IGSF3: variants seen among roughly 807,000 people sequenced by gnomAD.
The protein encoded by IGSF3 is immunoglobulin superfamily member 3.
Under a neutral mutation model 114.4 loss-of-function variants are expected in IGSF3, and 23 were observed. The ratio of observed to expected loss-of-function variants is 0.20; its 90% CI spans 0.14 to 0.28. The LOEUF is 0.28. Ranked by LOEUF, IGSF3 falls within the 10% of genes least tolerant of loss-of-function variation. The pLI is 1.00. For synonymous variants in IGSF3, 571 were observed against 645.2 expected, an observed-to-expected ratio of 0.88 and a Z score of 1.74; for missense variants, 1,172 against 1,591.5, an observed-to-expected ratio of 0.74 and a Z score of 4.48.
rs1375404380 is a variant in IGSF3, at chr1:116,624,541, TA to T, written c.44-8085del. 1.3e-5 allele frequency among the ~76,000 whole-genome samples: 2 copies of T among 152,256 alleles called. No individual in the cohort carries two copies. The highest frequency in any genetic ancestry group is 4.8e-5 in the African/African-American group (2 of 41,474). On this transcript the variant is annotated intron_variant, in intron 2 of 10. Transcript: ENST00000369486. The surrounding 1 kb of genome is among the most constrained non-coding windows in gnomAD (Gnocchi z 4.9). The stretch of plus-strand genomic sequence containing the variant: ...GTAGCAATAGTAGTGATATTAACTC[TA>T]GCTGTGGAACTAATTTCTCCCACAC...
At position 116,618,858 on chromosome 1, in the gene IGSF3, C is replaced by T. The variant is rs1310029654; in HGVS notation, c.44-2401G>A. Among the ~76,000 whole-genome samples the T allele has an allele frequency of 5.9e-5, 9 of 152,164 alleles. No individual in the cohort carries two copies. The highest frequency in any genetic ancestry group is 5.9e-4 in the Admixed American group (9 of 15,266). ...AGCGCAACTACAACCAACCCCCATA[C>T]ATCTCCTGCAAAGAAGGCTAGAGGC... On this transcript the variant is annotated intron_variant, in intron 2 of 10. Coordinates refer to ENST00000369486, the MANE Select transcript of IGSF3 (RefSeq NM_001007237.3). The surrounding 1 kb of genome is among the most constrained non-coding windows in gnomAD (Gnocchi z 4.7).
intron 6 of IGSF3, among the ~76,000 whole-genome samples, chr1:116,601,283 G>A (rs1660574893): frequency 6.6e-6 from 1 of 152,196 alleles, no homozygotes; most frequent in Admixed American, 6.5e-5. Flanking sequence ...GACAGAGTTA[G>A]TCTCCAACCA....
In IGSF3 at chr1:116,588,759, T is replaced by C. The variant is rs561766384; in HGVS notation, c.2375A>G (p.Asn792Ser). ...CHVEEWLLSP[N>S]YAWYKLAEEV... ...CTCTGCCAGCTTGTACCAGGCGTAG[T>C]TGGGGCTCAGCAGCCACTCCTCCAC... Residue 792 changes from asparagine (N) to serine (S), a missense_variant, in exon 8 of 11, where the codon AAC becomes AGC. Around this residue, in one of 3 missense-constraint regions of IGSF3, gnomAD observed 13 missense variants for 39.7 expected, o/e 0.33. Transcript: ENST00000369486. This position sits in a 1 kb window ranked among gnomAD's most constrained non-coding sequence, Gnocchi z 4.9. 12 of 1,614,034 alleles carry C rather than the reference T, an allele frequency of 7.4e-6. No homozygotes were observed. In the African/African-American group the frequency reaches 8.0e-5, roughly 11 times the overall value.
rs1006629852 is a variant in IGSF3 at position 116,614,396 on chromosome 1, T to C, written c.422-221A>G. Among the ~76,000 whole-genome samples the C allele has an allele frequency of 2.1e-4, 32 of 152,256 alleles. No individual in the cohort carries two copies. The highest frequency in any genetic ancestry group is 7.5e-4 in the African/African-American group (31 of 41,474). On this transcript the variant is annotated intron_variant, in intron 3 of 10. Transcript: ENST00000369486. The surrounding 1 kb of genome is among the most constrained non-coding windows in gnomAD (Gnocchi z 4.5). ...ATTTTGGTGCTTACACTTACCTGTCTGGTATTTTAATAACACTTGGATAAA... is the reference window on the plus strand; with the variant it reads ...ATTTTGGTGCTTACACTTACCTGTCCGGTATTTTAATAACACTTGGATAAA...
At position 116,592,828 on chromosome 1, in the gene IGSF3, C is replaced by G. The variant is rs925670149; in HGVS notation, c.2030-3724G>C. On this transcript the variant is annotated intron_variant, in intron 7 of 10. Coordinates refer to ENST00000369486, the MANE Select transcript of IGSF3 (RefSeq NM_001007237.3). The surrounding 1 kb of genome is among the most constrained non-coding windows in gnomAD (Gnocchi z 4.5). ...GGACTCTGACCCAATCATTGTTAAA[C>G]TAATCAATGAATGGTTGAATAAATG... 6.6e-6 allele frequency among the ~76,000 whole-genome samples: 1 copy of G among 152,158 alleles called. No individual in the cohort carries two copies. The highest frequency in any genetic ancestry group is 1.5e-5 in the Non-Finnish European group (1 of 68,034).
chr1:116,624,203 CAAA>C lies in IGSF3; in HGVS notation c.44-7749_44-7747del, dbSNP rs58584252. ...TGGGTGACAGAGCGAGATCTTGTCT[CAAA>C]AAAAAAAAAAAAATGGCTCTTGAAA... is the stretch of plus-strand genomic sequence containing the variant. On this transcript the variant is annotated intron_variant, in intron 2 of 10. Transcript: ENST00000369486. The surrounding 1 kb of genome is among the most constrained non-coding windows in gnomAD (Gnocchi z 4.9). Among the ~76,000 whole-genome samples the C allele has an allele frequency of 1.7e-5, 2 of 118,840 alleles. No homozygotes were observed. Among genetic ancestry groups the C allele is most frequent in the Non-Finnish European group, 1.8e-5 (1 of 54,672 alleles). 78.0% of individuals were successfully genotyped at this position (118,840 alleles called of 152,430 possible).
chr1:116,659,758 G>A (rs1649033686), intron 2 of IGSF3, among the ~76,000 whole-genome samples: 1 of 152,134 alleles, frequency 6.6e-6, no homozygotes, highest in Admixed American at 6.6e-5. Context: ...TGAGACTACA[G>A]GTGTGTACCA....
chr1:116,620,133 C>G (rs1371902134), intron 2 of IGSF3, among the ~76,000 whole-genome samples: 13 of 152,122 alleles, frequency 8.5e-5, no homozygotes, highest in Non-Finnish European at 2.9e-5. Flanking sequence ...AGCTCCTAAA[C>G]CCCTTGGAAC....
At chr1:116,590,423 T>C (rs77023283) in intron 7 of IGSF3, among the ~76,000 whole-genome samples, 4 of 151,776 alleles carry the variant, frequency 2.6e-5, no homozygotes, top group Non-Finnish European at 5.9e-5. Flanking sequence ...GAACTAATAG[T>C]ACAAGAATTG....
At position 116,627,066 on chromosome 1, in the gene IGSF3, C is replaced by G. The variant is rs1022380221; in HGVS notation, c.44-10609G>C. 6.6e-6 allele frequency among the ~76,000 whole-genome samples: 1 copy of G among 152,158 alleles called. No individual in the cohort carries two copies. Among genetic ancestry groups the G allele is most frequent in the African/African-American group, 2.4e-5 (1 of 41,442 alleles). On this transcript the variant is annotated intron_variant, in intron 2 of 10. Transcript: ENST00000369486. The surrounding 1 kb of genome is among the most constrained non-coding windows in gnomAD (Gnocchi z 4.7). ...GATTACTTGCCTGTAAATGTTCTCC[C>G]TGTAATTACTCTGACCGCTCTTTCT... is the stretch of plus-strand genomic sequence containing the variant.
Position 116,642,664 on chromosome 1 carries a change from C to T in IGSF3, c.43+23620G>A, listed in dbSNP as rs1648161375. On this transcript the variant is annotated intron_variant, in intron 2 of 10. Coordinates refer to ENST00000369486, the MANE Select transcript of IGSF3 (RefSeq NM_001007237.3). The surrounding 1 kb of genome is among the most constrained non-coding windows in gnomAD (Gnocchi z 5.4). ...AATTGATGGTTGGAACTGGGCGCTC[C>T]GAGGCTGTGGGCCGGTGTCCTGCCC... 2.6e-5 allele frequency among the ~76,000 whole-genome samples: 4 copies of T among 152,336 alleles called. No homozygotes were observed. The highest frequency in any genetic ancestry group is 2.1e-4 in the South Asian group (1 of 4,828).
rs1659765417 is a variant in IGSF3, at chr1:116,585,003, C to A, written c.2490G>T (p.Glu830Asp). ...CACACTCCAGCTGTACCTGCCGGGT[C>A]TCCAGAACCGACAGGTTCCCCTGGG... ...SQAQGNLSVL[E>D]TRQVQLECVV... is the part of the protein sequence containing the mutation. The change falls in exon 9 of 11, where the codon GAG becomes GAT. Residue 830 changes from glutamate to aspartate, a missense_variant. Physicochemically the swap from Glu to Asp is conservative, Grantham distance 45 (BLOSUM62 2). Around this residue, in one of 3 missense-constraint regions of IGSF3, gnomAD observed 423 missense variants for 509.8 expected, o/e 0.83. Coordinates refer to ENST00000369486, the MANE Select transcript of IGSF3 (RefSeq NM_001007237.3). This position sits in a 1 kb window ranked among gnomAD's most constrained non-coding sequence, Gnocchi z 4.9. 1 of 1,572,458 alleles carries A rather than the reference C, an allele frequency of 6.4e-7. No individual in the cohort carries two copies. Among genetic ancestry groups the A allele is most frequent in the Admixed American group, 1.7e-5 (1 of 57,880 alleles).
At chr1:116,660,943 G>T (rs1363463279) in intron 2 of IGSF3, among the ~76,000 whole-genome samples, 1 of 152,120 alleles carries the variant, frequency 6.6e-6, no homozygotes, top group Non-Finnish European at 1.5e-5. Context: ...TCCTTATCTT[G>T]ATCAAGGAAG....
In IGSF3 at chr1:116,651,722, CAGT is replaced by C. The variant is rs1648642765; in HGVS notation, c.43+14559_43+14561del. The stretch of plus-strand genomic sequence containing the variant: ...AACTTAATATTTACTCTATTCCAAG[CAGT>C]AGGCTAAGGAAGGATTTGGGACACC... On this transcript the variant is annotated intron_variant, in intron 2 of 10. Transcript: ENST00000369486. The surrounding 1 kb of genome is among the most constrained non-coding windows in gnomAD (Gnocchi z 4.4). Among the ~76,000 whole-genome samples, 1 of 152,120 alleles carries C rather than the reference CAGT, an allele frequency of 6.6e-6. No homozygotes were observed. Among genetic ancestry groups the C allele is most frequent in the African/African-American group, 2.4e-5 (1 of 41,438 alleles).
chr1:116,576,916 T>C lies in IGSF3; in HGVS notation c.*396A>G, dbSNP rs1659366029. 1 of 160,688 alleles carries C rather than the reference T, an allele frequency of 6.2e-6. No individual in the cohort carries two copies. Among genetic ancestry groups the C allele is most frequent in the Admixed American group, 6.1e-5 (1 of 16,308 alleles). The allele number at this position is 160,688 out of a possible 1,614,324, so 10.0% of individuals were successfully genotyped here. ...TGCTGTCAGTTGTACGTAAGAGAAA[T>C]TCGTCCACATTAAGGAATCCAAAAA... On this transcript the variant is annotated 3_prime_UTR_variant, in exon 11 of 11. Coordinates refer to ENST00000369486, the MANE Select transcript of IGSF3 (RefSeq NM_001007237.3). The surrounding 1 kb of genome is among the most constrained non-coding windows in gnomAD (Gnocchi z 4.6).
At chr1:116,608,801 C>G (rs1418468509) in intron 4 of IGSF3, among the ~76,000 whole-genome samples, 4 of 152,110 alleles carry the variant, frequency 2.6e-5, no homozygotes, top group African/African-American at 9.7e-5. Context: ...ACAGAGTGGC[C>G]TAGGTGCTGG....
In IGSF3 at chr1:116,614,864, G is replaced by A. The variant is rs918325799; in HGVS notation, c.422-689C>T. Reference sequence around the variant, plus strand: ...TGGTCAGAATCATACCCTGATCCTTGCTTGCACCTTTCTGGAGATTAAATA... The same window carrying A: ...TGGTCAGAATCATACCCTGATCCTTACTTGCACCTTTCTGGAGATTAAATA... On this transcript the variant is annotated intron_variant, in intron 3 of 10. Coordinates refer to ENST00000369486, the MANE Select transcript of IGSF3 (RefSeq NM_001007237.3). This position sits in a 1 kb window ranked among gnomAD's most constrained non-coding sequence, Gnocchi z 4.5. 2.6e-5 allele frequency among the ~76,000 whole-genome samples: 4 copies of A among 152,080 alleles called. No homozygotes were observed. Among genetic ancestry groups the A allele is most frequent in the African/African-American group, 9.7e-5 (4 of 41,396 alleles).
In IGSF3 at chr1:116,589,828, G is replaced by A. The variant is rs577824911; in HGVS notation, c.2030-724C>T. Among the ~76,000 whole-genome samples the A allele has an allele frequency of 1.3e-5, 2 of 152,142 alleles. No homozygotes were observed. The highest frequency in any genetic ancestry group is 2.4e-5 in the African/African-American group (1 of 41,426). ...GCCAGTATTTACGGAGTGCCCACTC[G>A]GTTTCCCACAGGATGCTAAGTGCTG... is the stretch of plus-strand genomic sequence containing the variant. On this transcript the variant is annotated intron_variant, in intron 7 of 10. Coordinates refer to ENST00000369486, the MANE Select transcript of IGSF3 (RefSeq NM_001007237.3). This position sits in a 1 kb window ranked among gnomAD's most constrained non-coding sequence, Gnocchi z 5.7.
At chr1:116,641,495 CAAAAAA>C (rs57930787) in intron 2 of IGSF3, among the ~76,000 whole-genome samples, 15 of 40,702 alleles carry the variant, frequency 3.7e-4, no homozygotes, top group African/African-American at 1.0e-3. Context: ...GACTCTGTCT[CAAAAAA>C]AAAAAAAAAA....
Sources: allele counts gnomAD v4.1 joint callset (sites outside exome capture counted in the v4.1 genomes callset), GRCh38; gene constraint gnomAD v4.1.1; regional missense constraint gnomAD v4.1.1; non-coding constraint Gnocchi (gnomAD v3.1); transcripts MANE v1.5; gene names NCBI Gene and HGNC (gene_info 2026-07-23, HGNC 2026-07-21).